Variants in IL17RA observed in about 807,000 individuals in gnomAD.
IL17RA encodes the protein interleukin-17 receptor A.
A neutral mutation model predicts 50.4 loss-of-function variants in IL17RA; 34 were observed. The observed-to-expected ratio is 0.67, with a 90% confidence interval of 0.51 to 0.90. The LOEUF (loss-of-function observed/expected upper bound fraction) is 0.90. Ranked by LOEUF, IL17RA falls within the 40% of genes least tolerant of loss-of-function variation. The probability of loss-of-function intolerance (pLI) is 0.00; values close to 1 mark genes in which losing one functional copy is unlikely to be tolerated. For synonymous variants in IL17RA, 585 were observed against 510.4 expected, an observed-to-expected ratio of 1.15 and a Z score of -1.97; for missense variants, 1,276 against 1,169.8, an observed-to-expected ratio of 1.09 and a Z score of -1.32.
At chr22:17,095,751 C>G (rs2061366206) in intron 1 of IL17RA, among the ~76,000 whole-genome samples, 1 of 150,096 alleles carries the variant, frequency 6.7e-6, no homozygotes, top group Non-Finnish European at 1.5e-5. Flanking sequence ...TGCGGAGCCC[C>G]CTAGTGGGGT....
rs5992627 is a variant in IL17RA, at chr22:17,111,199, A to T, written c.*1379A>T. ...CATGGAGAGAGGCTGAGGGCTAAAC[A>T]CAGCTGGATGTCACCTGAGTTCATT... On this transcript the variant is annotated 3_prime_UTR_variant, in exon 13 of 13. Coordinates refer to ENST00000319363, the MANE Select transcript of IL17RA (RefSeq NM_014339.7). 923 of 152,408 alleles carry T rather than the reference A, an allele frequency of 6.1e-3. 8 individuals are homozygous for T. Among genetic ancestry groups the T allele is most frequent in the African/African-American group, 0.021 (876 of 41,574 alleles). 9.4% of individuals were successfully genotyped at this position (152,408 alleles called of 1,614,324 possible). A position where few individuals can be genotyped will look rare whatever the true frequency, so the allele number is the denominator to read the frequency against.
intron 1 of IL17RA, among the ~76,000 whole-genome samples, chr22:17,090,929 T>C (rs1047184272): frequency 7.9e-5 from 12 of 152,224 alleles, no homozygotes; most frequent in Non-Finnish European, 1.2e-4. Context: ...ACTTGTCATA[T>C]CATTTCCCTC....
At chr22:17,101,620 G>A (rs1447540620) in intron 5 of IL17RA, among the ~76,000 whole-genome samples, 1 of 152,200 alleles carries the variant, frequency 6.6e-6, no homozygotes, top group African/African-American at 2.4e-5. Flanking sequence ...AAAGTTGACT[G>A]ACTCAGTCCC....
At chr22:17,092,574 G>A (rs571150811) in intron 1 of IL17RA, among the ~76,000 whole-genome samples, 2 of 152,180 alleles carry the variant, frequency 1.3e-5, no homozygotes, top group South Asian at 4.2e-4. Flanking sequence ...CTTGCTTGGT[G>A]GTGGGAAGAA....
At chr22:17,095,217 G>T (rs976076498) in intron 1 of IL17RA, among the ~76,000 whole-genome samples, 1 of 152,124 alleles carries the variant, frequency 6.6e-6, no homozygotes, top group African/African-American at 2.4e-5. Context: ...GTTAATCAGT[G>T]CTGGAGAGGT....
Position 17,085,061 on chromosome 22 carries a change from G to C in IL17RA, c.-31G>C. ...CGTTCGTTCGCTGCGTCCCCAGCCG[G>C]GGCCGAGCCCTCCGCGACGCCAGCC... On this transcript the variant is annotated 5_prime_UTR_variant, in exon 1 of 13. Coordinates refer to ENST00000319363, the MANE Select transcript of IL17RA (RefSeq NM_014339.7). 2.3e-6 allele frequency: 3 copies of C among 1,294,162 alleles called. No individual in the cohort carries two copies. In the South Asian group the frequency reaches 6.8e-5, roughly 29 times the overall value. 80.2% of individuals were successfully genotyped at this position (1,294,162 alleles called of 1,614,324 possible). A position where few individuals can be genotyped will look rare whatever the true frequency, so the allele number is the denominator to read the frequency against.
At chr22:17,107,666 T>G in intron 11 of IL17RA, 61 bp from the exon 12 acceptor site, 29 of 1,421,382 alleles carry the variant, frequency 2.0e-5, no homozygotes, top group Non-Finnish European at 2.7e-5. Context: ...AGACACCCTG[T>G]GAGCTGGTTT....
At chr22:17,096,997 T>G in intron 1 of IL17RA, 65 bp from the exon 2 acceptor site, 3 of 1,436,150 alleles carry the variant, frequency 2.1e-6, no homozygotes, top group Admixed American at 1.7e-5. Flanking sequence ...GTGGAGAGCA[T>G]CTGGCCCTGG....
chr22:17,113,774 C>G lies in IL17RA; in HGVS notation c.*3954C>G, dbSNP rs1273594414. 6.6e-6 allele frequency: 1 copy of G among 152,330 alleles called. No homozygotes were observed. The highest frequency in any genetic ancestry group is 1.5e-5 in the Non-Finnish European group (1 of 68,118). 9.4% of individuals were successfully genotyped at this position (152,330 alleles called of 1,614,324 possible). ...AAGTCAACTGTGTCGGACAGAGGAT[C>G]CTTACAAAGAAGAGGCAGCAGGGTT... On this transcript the variant is annotated 3_prime_UTR_variant, in exon 13 of 13. Transcript: ENST00000319363.
intron 8 of IL17RA, among the ~76,000 whole-genome samples, chr22:17,103,839 C>G (rs9617956): frequency 1.1e-5 from 1 of 90,276 alleles, no homozygotes; most frequent in Non-Finnish European, 2.2e-5. Flanking sequence ...GTGGTGTGGA[C>G]GGGAGTGGGG....
At chr22:17,085,606 A>G (rs1328257078) in intron 1 of IL17RA, among the ~76,000 whole-genome samples, 2 of 151,932 alleles carry the variant, frequency 1.3e-5, no homozygotes, top group South Asian at 2.1e-4. Flanking sequence ...GGCTGTGGAG[A>G]AGGGGCCCGG....
intron 1 of IL17RA, among the ~76,000 whole-genome samples, chr22:17,085,461 C>T (rs1295799854): frequency 1.3e-5 from 2 of 151,926 alleles, no homozygotes; most frequent in African/African-American, 2.4e-5. Flanking sequence ...GCACATCGCG[C>T]GGCGCGTGTT....
chr22:17,109,876 A>G lies in IL17RA; in HGVS notation c.*56A>G. 6.8e-7 allele frequency: 1 copy of G among 1,466,146 alleles called. No homozygotes were observed. The highest frequency in any genetic ancestry group is 2.0e-5 in the Admixed American group (1 of 50,494). The allele number at this position is 1,466,146 out of a possible 1,614,324, so 90.8% of individuals were successfully genotyped here. On this transcript the variant is annotated 3_prime_UTR_variant, in exon 13 of 13. Transcript: ENST00000319363. ...AGCTTTGAGAGAGGAGTGTGTGTGC[A>G]CGTATTCATCTGTGTGTACATGTCT...
intron 2 of IL17RA, chr22:17,097,406 C>T: frequency 1.9e-6 from 1 of 517,208 alleles, no homozygotes; most frequent in Admixed American, 3.2e-5. Flanking sequence ...GACATCTGTG[C>T]TGTTGATTTT....
chr22:17,090,135 G>T (rs960321161), intron 1 of IL17RA, among the ~76,000 whole-genome samples: 1 of 152,152 alleles, frequency 6.6e-6, no homozygotes, highest in African/African-American at 2.4e-5. Flanking sequence ...CAGCTCTCCT[G>T]TCTCAGCCTC....
intron 1 of IL17RA, among the ~76,000 whole-genome samples, chr22:17,093,034 A>G (rs2061353391): frequency 6.6e-6 from 1 of 150,464 alleles, no homozygotes; most frequent in South Asian, 2.1e-4. Context: ...GGCTATAATA[A>G]TTTTACTTGT....
rs374467653 is a variant in IL17RA, at chr22:17,104,676, A to T, written c.847-50A>T. 4 of 1,551,002 alleles carry T rather than the reference A, an allele frequency of 2.6e-6. No homozygotes were observed. In the South Asian group the frequency reaches 3.4e-5, roughly 13 times the overall value. ...ACATTGCCGCTGCTGGCTGGAAGGC[A>T]TGGGCGCTCTACAGTTCTGGAGCCC... On this transcript the variant is annotated intron_variant, in intron 8 of 12. Transcript: ENST00000319363.
chr22:17,107,548 C>T (rs1256191779), intron 11 of IL17RA, among the ~76,000 whole-genome samples, 179 bp from the exon 12 acceptor site: 3 of 152,236 alleles, frequency 2.0e-5, no homozygotes, highest in Non-Finnish European at 2.9e-5. Context: ...GGTCATAGTG[C>T]TCGTAGTGGC....
Position 17,109,534 on chromosome 22 carries a change from C to T in IL17RA, c.2315C>T (p.Ala772Val). Residue 772 changes from alanine (A) to valine (V), a missense_variant, in exon 13 of 13, where the codon GCC (alanine) becomes GTC (valine). By Grantham distance (64) the Ala-to-Val change is moderately conservative (BLOSUM62 0). Transcript: ENST00000319363. Reference protein sequence around the residue: ...CQAQGGCSRPAMVLTDPHTPY... With the variant: ...CQAQGGCSRPVMVLTDPHTPY... ...GCCCAGGGGGGCTGCAGTAGACCCG[C>T]CATGGTCCTCACAGACCCACACACG... 6.3e-7 allele frequency: 1 copy of T among 1,598,744 alleles called. No individual in the cohort carries two copies. The highest frequency in any genetic ancestry group is 1.1e-5 in the South Asian group (1 of 89,158).
Sources: gnomAD v4.1 joint callset for allele counts (sites outside exome capture counted in the v4.1 genomes callset) on GRCh38, gnomAD v4.1.1 for gene constraint, MANE v1.5 for transcripts, NCBI Gene and HGNC (gene_info 2026-07-23, HGNC 2026-07-21) for gene names.